Variants in BCOR observed in about 807,000 individuals in gnomAD.
BCOR encodes the protein BCL-6 corepressor.
In BCOR, 10 loss-of-function variants were observed where a neutral mutation model predicts 86.7. That is an observed-to-expected ratio of 0.12 (90% CI 0.07 to 0.20). BCOR has a LOEUF of 0.20. Ranked by LOEUF, BCOR falls within the 10% of genes least tolerant of loss-of-function variation. The pLI is 1.00. For missense variants in BCOR, 1,259 were observed against 1,452.1 expected, an observed-to-expected ratio of 0.87 and a Z score of 2.16; for synonymous variants, 611 against 609.0, an observed-to-expected ratio of 1.00 and a Z score of -0.05.
Position 40,077,947 on chromosome X carries a change from C to A in BCOR, c.-18G>T, listed in dbSNP as rs927668549. On this transcript the variant is annotated 5_prime_UTR_variant, in exon 2 of 15. Transcript: ENST00000378444. ...GAGAGCATGTCGTCTTCTGGGATGGCAGCTTTGCTTCAAGCGTCTAGTCTG... is the reference window on the plus strand; with the variant it reads ...GAGAGCATGTCGTCTTCTGGGATGGAAGCTTTGCTTCAAGCGTCTAGTCTG... The A allele has an allele frequency of 8.5e-7, 1 of 1,178,002 alleles. No homozygotes were observed. The highest frequency in any genetic ancestry group is 1.8e-5 in the African/African-American group (1 of 56,884).
Position 40,073,566 on chromosome X carries a change from C to T in BCOR, c.1780G>A (p.Val594Ile), listed in dbSNP as rs764515953. The change falls in exon 4 of 15, where the codon GTT (valine) becomes ATT (isoleucine). Residue 594 changes from valine to isoleucine, a missense_variant. By Grantham distance (29) the Val-to-Ile change is conservative (BLOSUM62 3). This residue lies in a region of BCOR where 534 missense variants were observed against 594.8 expected (regional missense o/e 0.90). Transcript: ENST00000378444. Reference protein sequence around the residue: ...SRSSVETTPSVIQHVGQPPAT... With the variant: ...SRSSVETTPSIIQHVGQPPAT... ...GGGGGCTGGCCCACGTGCTGAATAA[C>T]GGATGGTGTGGTTTCTACAGAGCTC... 2.6e-5 allele frequency: 31 copies of T among 1,211,115 alleles called. No homozygotes were observed. In the East Asian group the frequency reaches 5.3e-4, roughly 21 times the overall value.
chrX:40,070,842 C>T, intron 6 of BCOR, 131 bp downstream of exon 6: 1 of 621,307 alleles, frequency 1.6e-6, no homozygotes, highest in Non-Finnish European at 2.7e-6. Context: ...ACAGACGCCT[C>T]GTTCCTGGTT....
At chrX:40,173,230 C>A (rs764275387) in intron 1 of BCOR, among the ~76,000 whole-genome samples, 5 of 111,802 alleles carry the variant, frequency 4.5e-5, no homozygotes, top group Non-Finnish European at 9.4e-5. Context: ...TCTGGTCAAT[C>A]CAGGCCCTAT....
At chrX:40,139,485 A>G (rs1247015243) in intron 1 of BCOR, among the ~76,000 whole-genome samples, 4 of 14,099 alleles carry the variant, frequency 2.8e-4, no homozygotes, top group African/African-American at 6.6e-4. Context: ...ATATATATAT[A>G]TATATATATA....
chrX:40,161,402 G>A (rs775761155), intron 1 of BCOR, among the ~76,000 whole-genome samples: 190 of 108,383 alleles, frequency 1.8e-3, no homozygotes, highest in African/African-American at 6.1e-3. Context: ...GTTTCACCAC[G>A]TTGGTCAGGC....
At chrX:40,084,187 G>A (rs1277583972) in intron 1 of BCOR, among the ~76,000 whole-genome samples, 3 of 111,862 alleles carry the variant, frequency 2.7e-5, no homozygotes, top group African/African-American at 9.7e-5. Context: ...TGCAGGGGTT[G>A]ACCCTGAGGG....
chrX:40,082,904 C>T (rs1488081067), intron 1 of BCOR, among the ~76,000 whole-genome samples: 1 of 111,081 alleles, frequency 9.0e-6, no homozygotes, highest in Non-Finnish European at 1.9e-5. Context: ...CCTCATCCTG[C>T]GGGGGAGGCT....
At chrX:40,136,813 C>T (rs1937690321) in intron 1 of BCOR, among the ~76,000 whole-genome samples, 1 of 112,025 alleles carries the variant, frequency 8.9e-6, no homozygotes, top group African/African-American at 3.2e-5. Flanking sequence ...AAGAAAAAAA[C>T]ATTTTGTAGA....
At chrX:40,057,382 C>T in intron 10 of BCOR, 61 bp from the exon 11 acceptor site, 1 of 1,111,603 alleles carries the variant, frequency 9.0e-7, no homozygotes, top group African/African-American at 1.8e-5. Context: ...GTAAGGTGGA[C>T]CTCTCTGTAG....
intron 1 of BCOR, among the ~76,000 whole-genome samples, chrX:40,124,605 C>T (rs1002286196): frequency 1.8e-5 from 2 of 108,403 alleles, no homozygotes; most frequent in Admixed American, 2.0e-4. Context: ...TTCTATTCCA[C>T]AAACACTTCT....
chrX:40,062,411 A>G lies in BCOR; in HGVS notation c.4174-18T>C. The G allele has an allele frequency of 8.4e-7, 1 of 1,197,491 alleles. No individual in the cohort carries two copies. The highest frequency in any genetic ancestry group is 1.1e-6 in the Non-Finnish European group (1 of 888,626). On this transcript the variant is annotated intron_variant, in intron 9 of 14. Transcript: ENST00000378444. ...ACAGTCACCTATCATAAAACCAAGC[A>G]GCGCACACGGTTAAGCCCGTGTCCT...
At chrX:40,121,875 GCTCT>G (rs751817717) in intron 1 of BCOR, among the ~76,000 whole-genome samples, 1 of 112,247 alleles carries the variant, frequency 8.9e-6, no homozygotes, top group Non-Finnish European at 1.9e-5. Flanking sequence ...AGCAGAATGG[GCTCT>G]CTCTCTCCAG....
chrX:40,078,433 G>T (rs1251704234), intron 1 of BCOR, among the ~76,000 whole-genome samples: 2 of 111,985 alleles, frequency 1.8e-5, no homozygotes, highest in Non-Finnish European at 1.9e-5. Context: ...GTGCAAGAAG[G>T]GTGGAAGGCA....
At chrX:40,058,272 T>C (rs1934698822) in intron 10 of BCOR, among the ~76,000 whole-genome samples, 1 of 112,262 alleles carries the variant, frequency 8.9e-6, no homozygotes, top group Admixed American at 9.4e-5. Context: ...TTTTATTACC[T>C]TGATTAAGAA....
intron 1 of BCOR, among the ~76,000 whole-genome samples, chrX:40,134,887 C>T (rs760378122): frequency 8.9e-6 from 1 of 111,761 alleles, no homozygotes; most frequent in Admixed American, 9.6e-5. Context: ...CTCTGGGCAA[C>T]GGTGATGAGA....
intron 1 of BCOR, among the ~76,000 whole-genome samples, chrX:40,151,822 G>T (rs1314303012): frequency 8.9e-6 from 1 of 112,484 alleles, no homozygotes. Flanking sequence ...GCAGGCAGGC[G>T]GGGGCGCGGG....
At chrX:40,118,014 T>C in intron 1 of BCOR, among the ~76,000 whole-genome samples, 1 of 79,945 alleles carries the variant, frequency 1.3e-5, no homozygotes. Context: ...TCCCTCCCTA[T>C]CTGTCTTCTC....
rs902578908 is a variant in BCOR at position 40,074,908 on chromosome X, A to T, written c.438T>A (p.Ser146Arg). The change falls in exon 4 of 15, where the codon AGT becomes AGA. Residue 146 changes from serine (S) to arginine (R), a missense_variant. Around this residue, in one of 7 missense-constraint regions of BCOR, gnomAD observed 174 missense variants for 189.3 expected, o/e 0.92. Transcript: ENST00000378444. ...AVSGKPPNGFSAIYKTPPGIQ... is the reference protein window; with the variant it reads ...AVSGKPPNGFRAIYKTPPGIQ... ...TTCCAGGCGGTGTTTTGTATATAGCACTGAAGCCATTTGGGGGTTTTCCAG... is the reference window on the plus strand; with the variant it reads ...TTCCAGGCGGTGTTTTGTATATAGCTCTGAAGCCATTTGGGGGTTTTCCAG... The T allele has an allele frequency of 6.6e-6, 8 of 1,208,466 alleles. No individual in the cohort carries two copies. In the African/African-American group the frequency reaches 1.4e-4, roughly 21 times the overall value.
chrX:40,071,250 A>T, intron 5 of BCOR, 91 bp from the exon 6 acceptor site: 1 of 988,369 alleles, frequency 1.0e-6, no homozygotes. Context: ...AAGTATTTTC[A>T]AAGAAAAGTG....
Sources: gnomAD v4.1 joint callset for allele counts (sites outside exome capture counted in the v4.1 genomes callset) on GRCh38, gnomAD v4.1.1 for gene constraint, gnomAD v4.1.1 regional missense constraint, MANE v1.5 for transcripts, NCBI Gene and HGNC (gene_info 2026-07-23, HGNC 2026-07-21) for gene names.